ARHGAP8: variants seen among roughly 807,000 people sequenced by gnomAD.
The protein encoded by ARHGAP8 is rho GTPase-activating protein 8.
A neutral mutation model predicts 46.1 loss-of-function variants in ARHGAP8; 62 were observed. The observed-to-expected ratio is 1.34, with a 90% CI of 1.10 to 1.66. ARHGAP8 has a LOEUF of 1.66. ARHGAP8 is among the 40% of genes most tolerant of loss of function. The pLI is 0.00. For synonymous variants in ARHGAP8, 375 were observed against 243.1 expected (o/e 1.54, Z -5.05); for missense variants, 923 against 568.4 (o/e 1.62, Z -6.34).
intron 1 of ARHGAP8, among the ~76,000 whole-genome samples, chr22:44,785,224 C>T (rs1165835944): frequency 6.6e-6 from 1 of 152,172 alleles, no homozygotes; most frequent in Non-Finnish European, 1.5e-5. Flanking sequence ...GGCACCCTCA[C>T]CAGCCTCGTC....
At chr22:44,812,641 C>T (rs1929421010) in intron 4 of ARHGAP8, among the ~76,000 whole-genome samples, 1 of 152,080 alleles carries the variant, frequency 6.6e-6, no homozygotes. Context: ...AGGTGTGAGC[C>T]ACCGCGCCCT....
At chr22:44,857,130 G>A (rs1317911918) in intron 10 of ARHGAP8, among the ~76,000 whole-genome samples, 2 of 143,996 alleles carry the variant, frequency 1.4e-5, no homozygotes, top group Non-Finnish European at 3.0e-5. Context: ...AGTAGAGATG[G>A]GGTTTCTGCA....
At chr22:44,831,554 C>T (rs561251143) in intron 7 of ARHGAP8, among the ~76,000 whole-genome samples, 2 of 152,190 alleles carry the variant, frequency 1.3e-5, no homozygotes, top group South Asian at 4.2e-4. Context: ...AAAAAATGTG[C>T]TGGGCATGGT....
rs780202932 is a variant in ARHGAP8, at chr22:44,847,961, C to A, written c.671-12C>A. 9 of 1,606,184 alleles carry A rather than the reference C, an allele frequency of 5.6e-6. No individual in the cohort carries two copies. Among genetic ancestry groups the A allele is most frequent in the Non-Finnish European group, 7.6e-6 (9 of 1,179,630 alleles). ...GGGACCTGTGAGATGCCTGGAAGCTCCTCTCCTGCAGGCCTGCGCACCGAG... is the reference window on the plus strand; with the variant it reads ...GGGACCTGTGAGATGCCTGGAAGCTACTCTCCTGCAGGCCTGCGCACCGAG... On this transcript the variant is annotated splice_polypyrimidine_tract_variant and intron_variant, in intron 8 of 11. Coordinates refer to ENST00000356099, the MANE Select transcript of ARHGAP8 (RefSeq NM_181335.3).
intron 7 of ARHGAP8, among the ~76,000 whole-genome samples, chr22:44,839,668 A>G (rs1302295309): frequency 6.6e-6 from 1 of 152,196 alleles, no homozygotes; most frequent in African/African-American, 2.4e-5. Flanking sequence ...ACTTGGGCTC[A>G]TGAAACGATG....
intron 1 of ARHGAP8, among the ~76,000 whole-genome samples, chr22:44,756,806 A>G (rs1329514113): frequency 7.9e-5 from 12 of 152,078 alleles, no homozygotes; most frequent in African/African-American, 1.2e-4. Context: ...ACAGTGATCA[A>G]TGTGATGTTT....
rs147012052 is a variant in ARHGAP8, at chr22:44,819,441, G to C, written c.387-2930G>C. On this transcript the variant is annotated intron_variant, in intron 5 of 11. Coordinates refer to ENST00000356099, the MANE Select transcript of ARHGAP8 (RefSeq NM_181335.3). ...AATCCCAGCACTTTGGGAGGCCAATGTGGGCAGATTACCTGAGGTCAGGAG... is the reference window on the plus strand; with the variant it reads ...AATCCCAGCACTTTGGGAGGCCAATCTGGGCAGATTACCTGAGGTCAGGAG... Among the ~76,000 whole-genome samples the C allele has an allele frequency of 3.5e-3, 539 of 152,340 alleles. 5 individuals carry two copies. The East Asian group carries it at 0.039, about 11-fold the overall frequency.
At chr22:44,812,590 C>T (rs966600036) in intron 4 of ARHGAP8, among the ~76,000 whole-genome samples, 4 of 151,850 alleles carry the variant, frequency 2.6e-5, no homozygotes, top group East Asian at 3.9e-4. Flanking sequence ...CTCTTGACCT[C>T]GTGATCCGCC....
chr22:44,774,441 T>C (rs1476801526), intron 1 of ARHGAP8, among the ~76,000 whole-genome samples: 1 of 152,174 alleles, frequency 6.6e-6, no homozygotes, highest in East Asian at 1.9e-4. Flanking sequence ...AAAATGCCTT[T>C]ATAATTAGTG....
chr22:44,762,195 C>T lies in ARHGAP8; in HGVS notation c.-72+9568C>T, dbSNP rs550600212. 9.2e-5 allele frequency among the ~76,000 whole-genome samples: 14 copies of T among 152,238 alleles called. 1 individual carries two copies. Among genetic ancestry groups the T allele is most frequent in the Admixed American group, 5.2e-4 (8 of 15,296 alleles). On this transcript the variant is annotated intron_variant, in intron 1 of 11. Coordinates refer to ENST00000356099, the MANE Select transcript of ARHGAP8 (RefSeq NM_181335.3). ...GTTTGTGCCTGTGATCCCAGTGAGC[C>T]GGAAGGCTGAGATGGGAGGATCACT... is the stretch of plus-strand genomic sequence containing the variant.
intron 1 of ARHGAP8, among the ~76,000 whole-genome samples, chr22:44,778,700 A>AT (rs1427642408): frequency 4.6e-5 from 7 of 152,070 alleles, no homozygotes; most frequent in Non-Finnish European, 1.0e-4. Flanking sequence ...TTATTTTATG[A>AT]TTTTTTGATT....
chr22:44,800,196 C>T (rs540643180), intron 2 of ARHGAP8, among the ~76,000 whole-genome samples: 16 of 150,976 alleles, frequency 1.1e-4, no homozygotes, highest in East Asian at 7.8e-4. Flanking sequence ...CTCTGCCTTC[C>T]GGGTTCAAGC....
intron 10 of ARHGAP8, among the ~76,000 whole-genome samples, chr22:44,856,018 G>A (rs561053358): frequency 3.9e-5 from 6 of 152,230 alleles, no homozygotes; most frequent in Non-Finnish European, 7.4e-5. Context: ...GCAAGATGGG[G>A]TGAGGTCATG....
intron 5 of ARHGAP8, among the ~76,000 whole-genome samples, chr22:44,816,586 G>A (rs1486410319): frequency 1.3e-5 from 2 of 152,104 alleles, no homozygotes; most frequent in African/African-American, 2.4e-5. Context: ...GCCAAGGCAG[G>A]AGGATCACTT....
chr22:44,811,982 G>C (rs1329296324), intron 4 of ARHGAP8, among the ~76,000 whole-genome samples: 1 of 139,148 alleles, frequency 7.2e-6, no homozygotes, highest in Non-Finnish European at 1.5e-5. Context: ...GGGCAACAGA[G>C]TGAAACTCTG....
rs2070562691 is a variant in ARHGAP8 at position 44,862,719 on chromosome 22, A to G, written c.*124A>G. 2.5e-6 allele frequency: 3 copies of G among 1,204,282 alleles called. No individual in the cohort carries two copies. The highest frequency in any genetic ancestry group is 3.4e-6 in the Non-Finnish European group (3 of 892,044). The allele number at this position is 1,204,282 out of a possible 1,614,324, so 74.6% of individuals were successfully genotyped here. A position where few individuals can be genotyped will look rare whatever the true frequency, so the allele number is the denominator to read the frequency against. ...GATGAATTCAGAACCTTCTAATGAA[A>G]ACTCCATGCCTCTGGTCCTTGGACT... On this transcript the variant is annotated 3_prime_UTR_variant, in exon 12 of 12. Transcript: ENST00000356099.
chr22:44,765,803 T>A (rs1925512629), intron 1 of ARHGAP8: 1 of 152,426 alleles, frequency 6.6e-6, no homozygotes, highest in Non-Finnish European at 1.5e-5. Context: ...CCTGACCAGC[T>A]GCCTGCGGTT....
At chr22:44,807,836 G>A (rs538844817) in intron 3 of ARHGAP8, among the ~76,000 whole-genome samples, 71 of 152,238 alleles carry the variant, frequency 4.7e-4, no homozygotes, top group Non-Finnish European at 8.5e-4. Context: ...TCATGCTGTC[G>A]TCGACACTCT....
intron 7 of ARHGAP8, among the ~76,000 whole-genome samples, chr22:44,837,108 T>C (rs1040439397): frequency 5.9e-5 from 9 of 152,100 alleles, no homozygotes; most frequent in African/African-American, 1.7e-4. Context: ...TGGTCTCGAA[T>C]TCCCGACCTC....
Sources: gnomAD v4.1 joint callset for allele counts (sites outside exome capture counted in the v4.1 genomes callset) on GRCh38, gnomAD v4.1.1 for gene constraint, MANE v1.5 for transcripts, NCBI Gene and HGNC (gene_info 2026-07-23, HGNC 2026-07-21) for gene names.